Variants in NRF1 observed in about 807,000 individuals in gnomAD.
NRF1 encodes the protein alpha palindromic-binding protein.
Under a neutral mutation model 58.5 loss-of-function variants are expected in NRF1, and 5 were observed. The observed-to-expected ratio is 0.09, with a 90% CI of 0.04 to 0.18. NRF1 has a LOEUF of 0.18. Among genes scored for constraint, NRF1 ranks in the 10% least tolerant of loss-of-function variants. NRF1 has a pLI of 1.00. For missense variants in NRF1, 288 were observed against 657.7 expected (o/e 0.44, Z 6.15); for synonymous variants, 224 against 246.7 (o/e 0.91, Z 0.86).
At chr7:129,669,617 A>G (rs1347256295) in intron 2 of NRF1, among the ~76,000 whole-genome samples, 2 of 152,248 alleles carry the variant, frequency 1.3e-5, no homozygotes, top group African/African-American at 2.4e-5. Flanking sequence ...AGGGACTCGA[A>G]TAAACATCTC....
intron 2 of NRF1, among the ~76,000 whole-genome samples, chr7:129,663,799 G>A (rs112985121): frequency 0.033 from 5,042 of 152,264 alleles, 273 homozygotes; most frequent in African/African-American, 0.11. Flanking sequence ...AGGTTGTAGC[G>A]AGCCAAGATC....
chr7:129,663,830 G>T (rs945920307), intron 2 of NRF1, among the ~76,000 whole-genome samples: 10 of 152,230 alleles, frequency 6.6e-5, no homozygotes, highest in Non-Finnish European at 1.3e-4. Context: ...ACTCCAGCCT[G>T]GGCAACATTG....
intron 4 of NRF1, among the ~76,000 whole-genome samples, chr7:129,678,892 A>G (rs1802243011): frequency 6.6e-6 from 1 of 152,342 alleles, no homozygotes. Context: ...GGAGTCCTCC[A>G]TAGAATACAA....
chr7:129,747,994 G>A lies in NRF1; in HGVS notation c.1349-7024G>A, dbSNP rs142655966. ...TGCTCAACATTAAAAGACAGTCCTC[G>A]GCCGGGCGCGGTGGCTCATGCCTAT... On this transcript the variant is annotated intron_variant, in intron 10 of 10. Transcript: ENST00000393232. 6.2e-3 allele frequency among the ~76,000 whole-genome samples: 945 copies of A among 152,152 alleles called. 8 individuals carry two copies. Among genetic ancestry groups the A allele is most frequent in the Non-Finnish European group, 9.4e-3 (638 of 67,994 alleles).
At position 129,639,069 on chromosome 7, in the gene NRF1, A is replaced by AT. The variant is rs1374083342; in HGVS notation, c.-6-18269dup. Reference sequence around the variant, plus strand: ...ATTAACTCACAAAGTAAATATGGGAATTTTTTTTGGGACAGGTTCTCACTC... The same window carrying AT: ...ATTAACTCACAAAGTAAATATGGGAATTTTTTTTTGGGACAGGTTCTCACTC... On this transcript the variant is annotated intron_variant, in intron 1 of 10. Transcript: ENST00000393232. Among the ~76,000 whole-genome samples, 5 of 151,942 alleles carry AT rather than the reference A, an allele frequency of 3.3e-5. No individual in the cohort carries two copies. The East Asian group carries it at 5.8e-4, about 18-fold the overall frequency.
At chr7:129,704,051 C>A (rs1363135652) in intron 5 of NRF1, among the ~76,000 whole-genome samples, 1 of 150,724 alleles carries the variant, frequency 6.6e-6, no homozygotes, top group African/African-American at 2.4e-5. Flanking sequence ...ATCCCCCCAC[C>A]CCCCGTTTTT....
intron 5 of NRF1, among the ~76,000 whole-genome samples, chr7:129,695,658 CTCTT>C (rs937256246): frequency 4.8e-5 from 7 of 145,770 alleles, no homozygotes; most frequent in African/African-American, 1.8e-4. Flanking sequence ...CTTTATTTTT[CTCTT>C]TCTTTTGGGA....
intron 10 of NRF1, among the ~76,000 whole-genome samples, chr7:129,750,354 G>A (rs528575270): frequency 6.6e-6 from 1 of 152,230 alleles, no homozygotes; most frequent in East Asian, 1.9e-4. Context: ...GCCCGACTTA[G>A]GGCACGCTGG....
intron 9 of NRF1, among the ~76,000 whole-genome samples, chr7:129,718,810 C>G (rs1244376542): frequency 6.6e-6 from 1 of 152,152 alleles, no homozygotes; most frequent in Non-Finnish European, 1.5e-5. Context: ...CACATAGATT[C>G]AGGTTTGAAT....
chr7:129,666,461 T>G (rs995726449), intron 2 of NRF1, among the ~76,000 whole-genome samples: 1 of 152,252 alleles, frequency 6.6e-6, no homozygotes, highest in African/African-American at 2.4e-5. Flanking sequence ...TTTTCTGAGA[T>G]TCACCCATGT....
chr7:129,670,545 A>G (rs1454688498), intron 2 of NRF1, among the ~76,000 whole-genome samples: 2 of 152,248 alleles, frequency 1.3e-5, no homozygotes, highest in African/African-American at 4.8e-5. Flanking sequence ...TATTTGAGCC[A>G]CTTAGAATAT....
chr7:129,696,465 G>A (rs758736422), intron 5 of NRF1, among the ~76,000 whole-genome samples: 81 of 152,202 alleles, frequency 5.3e-4, no homozygotes, highest in Middle Eastern at 6.8e-3. Flanking sequence ...TATGTGTGTT[G>A]TAAAAAATTC....
rs1274447735 is a variant in NRF1 at position 129,611,819 on chromosome 7, T to G, written c.-12T>G. Reference sequence around the variant, plus strand: ...CGCAGGCCCACGGTAGCGCAGCCGCTCTGAGGTGAGTGCCCTACCGCGCAA... The same window carrying G: ...CGCAGGCCCACGGTAGCGCAGCCGCGCTGAGGTGAGTGCCCTACCGCGCAA... On this transcript the variant is annotated 5_prime_UTR_variant, in exon 1 of 11. Transcript: ENST00000393232. The G allele has an allele frequency of 4.8e-6, 1 of 206,238 alleles. No individual in the cohort carries two copies. The highest frequency in any genetic ancestry group is 9.7e-6 in the Non-Finnish European group (1 of 103,468). The allele number at this position is 206,238 out of a possible 1,614,324, so 12.8% of individuals were successfully genotyped here.
At chr7:129,748,370 A>G (rs1333653830) in intron 10 of NRF1, among the ~76,000 whole-genome samples, 1 of 152,010 alleles carries the variant, frequency 6.6e-6, no homozygotes, top group African/African-American at 2.4e-5. Flanking sequence ...ACAGGTCAGC[A>G]CATACCTGGG....
chr7:129,735,885 G>A (rs756109743), intron 10 of NRF1, among the ~76,000 whole-genome samples: 1 of 152,140 alleles, frequency 6.6e-6, no homozygotes, highest in Non-Finnish European at 1.5e-5. Flanking sequence ...GCAGGCACCT[G>A]TAGTCCCAGC....
chr7:129,623,394 G>A lies in NRF1; in HGVS notation c.-7+11570G>A, dbSNP rs76288694. Among the ~76,000 whole-genome samples the A allele has an allele frequency of 1.4e-3, 190 of 135,334 alleles. 5 individuals carry two copies. The East Asian group carries it at 0.037, about 26-fold the overall frequency. The allele number at this position is 135,334 out of a possible 152,430, so 88.8% of individuals were successfully genotyped here. ...TAAAAATACCTGTTTTTTTTTTTTT[G>A]CATTATCTCTAGGGAATTCAAAAGA... On this transcript the variant is annotated intron_variant, in intron 1 of 10. Coordinates refer to ENST00000393232, the MANE Select transcript of NRF1 (RefSeq NM_005011.5).
intron 10 of NRF1, among the ~76,000 whole-genome samples, chr7:129,733,628 A>G (rs1803637902): frequency 6.6e-6 from 1 of 152,236 alleles, no homozygotes; most frequent in Non-Finnish European, 1.5e-5. Flanking sequence ...TTTTCATCAC[A>G]GAGATGGACC....
At chr7:129,699,592 A>G (rs1802771700) in intron 5 of NRF1, among the ~76,000 whole-genome samples, 1 of 151,886 alleles carries the variant, frequency 6.6e-6, no homozygotes, top group African/African-American at 2.4e-5. Context: ...TTAGCCAGGT[A>G]TGATGGCAGG....
At chr7:129,623,256 G>GA (rs1800841326) in intron 1 of NRF1, among the ~76,000 whole-genome samples, 1 of 152,160 alleles carries the variant, frequency 6.6e-6, no homozygotes, top group Admixed American at 6.6e-5. Flanking sequence ...CTGAAGTGAA[G>GA]AACCTTGTCT....
Sources: gnomAD v4.1 joint callset for allele counts (sites outside exome capture counted in the v4.1 genomes callset) on GRCh38, gnomAD v4.1.1 for gene constraint, MANE v1.5 for transcripts, NCBI Gene and HGNC (gene_info 2026-07-23, HGNC 2026-07-21) for gene names.